Variants in VPS35L observed in about 807,000 individuals in gnomAD.
VPS35L encodes the protein VPS35 endosomal protein-sorting factor-like.
A neutral mutation model predicts 133.0 loss-of-function variants in VPS35L; 83 were observed. That is an observed-to-expected ratio of 0.62 (90% CI 0.52 to 0.75). The LOEUF is 0.75. Ranked by LOEUF, VPS35L falls within the 30% of genes least tolerant of loss-of-function variation. VPS35L has a pLI of 0.00. For missense variants in VPS35L, 1,083 were observed against 1,206.8 expected (o/e 0.90, Z 1.52); for synonymous variants, 423 against 449.9 (o/e 0.94, Z 0.76).
chr16:19,601,817 G>A (rs1031877219), intron 9 of VPS35L, 94 bp downstream of exon 9: 5 of 1,334,156 alleles, frequency 3.7e-6, no homozygotes, highest in Non-Finnish European at 5.2e-6. Context: ...CTTGATAAAG[G>A]TTTTAATTTT....
intron 26 of VPS35L, among the ~76,000 whole-genome samples, chr16:19,662,279 C>T (rs1228273060): frequency 2.0e-5 from 3 of 151,914 alleles, no homozygotes; most frequent in African/African-American, 7.3e-5. Flanking sequence ...CAGAGGCAGG[C>T]AGATCACCTG....
chr16:19,638,372 C>T (rs1427036171), intron 20 of VPS35L, among the ~76,000 whole-genome samples: 1 of 152,218 alleles, frequency 6.6e-6, no homozygotes, highest in Admixed American at 6.5e-5. Flanking sequence ...TAGGAGTTAT[C>T]ACTGTAGTAT....
intron 8 of VPS35L, among the ~76,000 whole-genome samples, chr16:19,593,887 A>G (rs1164248566): frequency 6.6e-6 from 1 of 150,728 alleles, no homozygotes; most frequent in African/African-American, 2.4e-5. Flanking sequence ...ACTGCACTCC[A>G]GCCTGGGCGA....
intron 14 of VPS35L, among the ~76,000 whole-genome samples, chr16:19,618,314 G>A (rs1056076670): frequency 1.3e-5 from 2 of 152,050 alleles, no homozygotes; most frequent in Non-Finnish European, 2.9e-5. Flanking sequence ...AATTTATCCT[G>A]TAAGTTAGAC....
chr16:19,562,728 C>T (rs1971065621), intron 1 of VPS35L, among the ~76,000 whole-genome samples: 2 of 151,950 alleles, frequency 1.3e-5, no homozygotes, highest in African/African-American at 4.8e-5. Flanking sequence ...TCTGCCTTCC[C>T]CCCACTCCTG....
At position 19,581,620 on chromosome 16, in the gene VPS35L, C is replaced by T. The variant is rs754543122; in HGVS notation, c.606C>T (p.Asp202=). 42 of 1,614,014 alleles carry T rather than the reference C, an allele frequency of 2.6e-5. No individual in the cohort carries two copies. Among genetic ancestry groups the T allele is most frequent in the Non-Finnish European group, 3.2e-5 (38 of 1,180,032 alleles). ...CGCTGAAGGATGCCTGGGCCTCAGA[C>T]CAGAAAGTGAAGGCTCTAAAAATAG... ...NQSLKDAWAS[D]QKVKALKIVI... The change falls in exon 7 of 31, where the codon GAC becomes GAT. Residue 202 remains aspartate, a synonymous_variant. Transcript: ENST00000417362.
In VPS35L at chr16:19,682,340, A is replaced by G. The variant is rs967500400; in HGVS notation, c.2477A>G (p.His826Arg). The change falls in exon 28 of 31, where the codon CAT becomes CGT. Residue 826 changes from histidine to arginine, a missense_variant. His to Arg is a conservative substitution (Grantham distance 29, BLOSUM62 0). Transcript: ENST00000417362. ...ATCCGCATCTACACCTGCGTCCTGC[A>G]TCTCCTCTCCGCCATGAGCCAGGAG... is the stretch of plus-strand genomic sequence containing the variant. ...EKIRIYTCVLHLLSAMSQETY... is the reference protein window; with the variant it reads ...EKIRIYTCVLRLLSAMSQETY... 2.5e-6 allele frequency: 4 copies of G among 1,614,212 alleles called. No individual in the cohort carries two copies. The highest frequency in any genetic ancestry group is 2.7e-5 in the African/African-American group (2 of 75,060).
intron 8 of VPS35L, 22 bp from the exon 9 acceptor site, chr16:19,601,642 C>T (rs780340052): frequency 7.4e-6 from 12 of 1,612,804 alleles, no homozygotes; most frequent in Non-Finnish European, 9.3e-6. Context: ...GATACTAACA[C>T]CATCTGTCCT....
intron 12 of VPS35L, among the ~76,000 whole-genome samples, chr16:19,612,388 G>A (rs752045552): frequency 2.9e-4 from 44 of 152,162 alleles, no homozygotes; most frequent in Admixed American, 1.3e-3. Context: ...GGAGTAGCTG[G>A]GATTACAGGC....
chr16:19,578,310 G>T lies in VPS35L; in HGVS notation c.434-742G>T, dbSNP rs1228243484. The T allele has an allele frequency of 1.8e-5, 8 of 444,308 alleles. No homozygotes were observed. In the East Asian group the frequency reaches 4.9e-4, roughly 27 times the overall value. 27.5% of individuals were successfully genotyped at this position (444,308 alleles called of 1,614,324 possible). A position where few individuals can be genotyped will look rare whatever the true frequency, so the allele number is the denominator to read the frequency against. On this transcript the variant is annotated intron_variant, in intron 5 of 30. Coordinates refer to ENST00000417362, the MANE Select transcript of VPS35L (RefSeq NM_020314.7). ...TCTTTTTTTTTTTTTTGAGATGGAG[G>T]TTACAGTGAGCCGAGATCGCGCCAC... is the stretch of plus-strand genomic sequence containing the variant.
At chr16:19,627,873 C>A in intron 16 of VPS35L, 68 bp downstream of exon 16, 1 of 1,320,506 alleles carries the variant, frequency 7.6e-7, no homozygotes, top group Non-Finnish European at 1.1e-6. Context: ...TCTTGAGAGA[C>A]AGTCCGGTTT....
chr16:19,565,000 G>A (rs1971143463), intron 2 of VPS35L, 50 bp downstream of exon 2: 3 of 1,379,760 alleles, frequency 2.2e-6, no homozygotes, highest in Non-Finnish European at 3.1e-6. Flanking sequence ...CCCTTGAAAT[G>A]AAAGACAATC....
At chr16:19,660,808 T>C (rs191718091) in intron 26 of VPS35L, among the ~76,000 whole-genome samples, 66 of 152,242 alleles carry the variant, frequency 4.3e-4, no homozygotes, top group Non-Finnish European at 7.8e-4. Context: ...TGACTTTCAC[T>C]ATAAAAATTC....
chr16:19,656,393 A>G (rs1442758262), intron 26 of VPS35L, among the ~76,000 whole-genome samples: 2 of 151,914 alleles, frequency 1.3e-5, no homozygotes, highest in East Asian at 3.9e-4. Context: ...AAGGATTAGC[A>G]TTCCTGGTTG....
intron 5 of VPS35L, chr16:19,578,260 C>T (rs1478045855): frequency 6.7e-6 from 3 of 448,964 alleles, no homozygotes; most frequent in African/African-American, 4.0e-5. Flanking sequence ...GCAGCTCGAC[C>T]CTAAGTCCAC....
At chr16:19,600,549 A>G (rs1189247481) in intron 8 of VPS35L, among the ~76,000 whole-genome samples, 2 of 152,196 alleles carry the variant, frequency 1.3e-5, no homozygotes. Context: ...CATGACCTAC[A>G]AAACCTCTAG....
intron 8 of VPS35L, among the ~76,000 whole-genome samples, chr16:19,593,087 A>G (rs1443663823): frequency 1.3e-5 from 2 of 152,158 alleles, no homozygotes; most frequent in Non-Finnish European, 2.9e-5. Context: ...TCACAGGTAG[A>G]GAGACCTTTT....
intron 9 of VPS35L, among the ~76,000 whole-genome samples, chr16:19,605,433 G>A (rs1158289719): frequency 6.6e-6 from 1 of 152,108 alleles, no homozygotes; most frequent in African/African-American, 2.4e-5. Context: ...AACCCTTCAG[G>A]GGGTTTCCAT....
intron 1 of VPS35L, among the ~76,000 whole-genome samples, chr16:19,556,384 G>A (rs1970856852): frequency 6.6e-6 from 1 of 152,188 alleles, no homozygotes; most frequent in Admixed American, 6.5e-5. Flanking sequence ...ATTGGGTCTT[G>A]GAGGATGAAT....
Sources: gnomAD v4.1 joint callset for allele counts (sites outside exome capture counted in the v4.1 genomes callset) on GRCh38, gnomAD v4.1.1 for gene constraint, MANE v1.5 for transcripts, NCBI Gene and HGNC (gene_info 2026-07-23, HGNC 2026-07-21) for gene names.